The following CRYL1 variants were observed in gnomAD, a reference collection of about 807,000 sequenced individuals.
CRYL1 encodes the protein lambda-crystallin homolog.
In CRYL1, 29 loss-of-function variants were observed where a neutral mutation model predicts 36.6. That is an observed-to-expected ratio of 0.79 (90% CI 0.59 to 1.08). The LOEUF is 1.08. CRYL1 is among the 50% of genes least tolerant of loss of function. The pLI, the probability that CRYL1 is intolerant of heterozygous loss-of-function variation, is 0.00. For synonymous variants in CRYL1, 152 were observed against 151.5 expected (o/e 1.00, Z -0.02); for missense variants, 411 against 407.9 (o/e 1.01, Z -0.06).
intron 2 of CRYL1, among the ~76,000 whole-genome samples, chr13:20,499,889 A>G (rs1183495395): frequency 6.6e-6 from 1 of 152,220 alleles, no homozygotes; most frequent in Admixed American, 6.5e-5. Flanking sequence ...TTGTCCTAAG[A>G]CTTTTGTCAT....
In CRYL1 at chr13:20,512,474, G is replaced by A. The variant is rs753288504; in HGVS notation, c.118C>T (p.Gln40Ter). ...TTTTCCAGGGCGTTCCTTATCTGCT[G>A]TTGCTCAATGTCATAGAGTTTCACC... is the stretch of plus-strand genomic sequence containing the variant. ...FQVKLYDIEQ[Q>*]QIRNALENIR... Residue 40 changes from glutamine to a stop codon, truncating the protein, a stop_gained, in exon 2 of 8, where the codon CAG becomes TAG. Transcript: ENST00000298248. LOFTEE classifies it high-confidence loss of function. 5.6e-6 allele frequency: 9 copies of A among 1,613,962 alleles called. No homozygotes were observed. The East Asian group carries it at 2.0e-4, about 36-fold the overall frequency.
intron 3 of CRYL1, among the ~76,000 whole-genome samples, chr13:20,479,851 T>C (rs138563843): frequency 2.4e-3 from 358 of 152,262 alleles, no homozygotes; most frequent in South Asian, 4.1e-3. Flanking sequence ...GGACAGAGCA[T>C]TGAGTATGTC....
At chr13:20,477,227 C>A (rs943667255) in intron 3 of CRYL1, among the ~76,000 whole-genome samples, 1 of 152,042 alleles carries the variant, frequency 6.6e-6, no homozygotes, top group African/African-American at 2.4e-5. Flanking sequence ...ACTCGGGAGA[C>A]TGAGGTGGGA....
intron 5 of CRYL1, chr13:20,427,108 T>C (rs2031950125): frequency 1.0e-6 from 1 of 985,396 alleles, no homozygotes. Flanking sequence ...GCCAAAAGTC[T>C]ATTGTCACAA....
chr13:20,484,498 C>G (rs1481657966), intron 3 of CRYL1, among the ~76,000 whole-genome samples: 1 of 152,032 alleles, frequency 6.6e-6, no homozygotes, highest in Non-Finnish European at 1.5e-5. Flanking sequence ...ATAGTGAAAC[C>G]CTGTTTCTAC....
intron 2 of CRYL1, among the ~76,000 whole-genome samples, chr13:20,496,930 T>C (rs753555358): frequency 1.3e-5 from 2 of 149,578 alleles, no homozygotes; most frequent in Non-Finnish European, 1.5e-5. Flanking sequence ...TTTTGGAAAA[T>C]TGGAAATCAT....
At chr13:20,404,432 A>G (rs2031311177) in intron 7 of CRYL1, among the ~76,000 whole-genome samples, 190 bp from the exon 8 acceptor site, 1 of 152,172 alleles carries the variant, frequency 6.6e-6, no homozygotes, top group South Asian at 2.1e-4. Context: ...ACAATGAGCT[A>G]CCAGTTCACT....
intron 3 of CRYL1, among the ~76,000 whole-genome samples, chr13:20,468,444 T>C (rs1019780218): frequency 2.6e-5 from 4 of 152,120 alleles, no homozygotes; most frequent in South Asian, 2.1e-4. Flanking sequence ...TACTTTTTTG[T>C]TGAAGTCGAA....
chr13:20,439,517 A>AAAAAAAAAAAAG, intron 4 of CRYL1, 76 bp downstream of exon 4: 5 of 468,082 alleles, frequency 1.1e-5, no homozygotes, highest in Middle Eastern at 5.0e-4. Context: ...TCCCCCGCAA[A>AAAAAAAAAAAAG]AAAAAAAAAA....
intron 3 of CRYL1, among the ~76,000 whole-genome samples, chr13:20,485,148 G>A (rs139504301): frequency 0.014 from 2,205 of 152,170 alleles, 58 homozygotes; most frequent in African/African-American, 0.051. Flanking sequence ...CTCTCAAGTA[G>A]CTGGAATTAC....
chr13:20,463,579 C>T (rs931670503), intron 3 of CRYL1, among the ~76,000 whole-genome samples: 1 of 152,186 alleles, frequency 6.6e-6, no homozygotes, highest in Non-Finnish European at 1.5e-5. Flanking sequence ...ATTGGAGAGA[C>T]TTCTCAAAGG....
chr13:20,411,107 T>A (rs544065964), intron 6 of CRYL1, among the ~76,000 whole-genome samples: 1 of 152,326 alleles, frequency 6.6e-6, no homozygotes, highest in African/African-American at 2.4e-5. Flanking sequence ...GCTGGCTTTA[T>A]GAAAACAGTA....
chr13:20,491,917 A>T (rs1228013897), intron 2 of CRYL1, among the ~76,000 whole-genome samples: 1 of 152,252 alleles, frequency 6.6e-6, no homozygotes, highest in East Asian at 1.9e-4. Context: ...TTAGCAACAG[A>T]TTAGAAATTT....
chr13:20,439,491 A>C, intron 4 of CRYL1, 102 bp downstream of exon 4: 2 of 973,628 alleles, frequency 2.1e-6, no homozygotes, highest in Non-Finnish European at 1.5e-6. Context: ...GATTACTCAC[A>C]AGTTATTGAC....
chr13:20,480,001 C>T (rs150706125), intron 3 of CRYL1, among the ~76,000 whole-genome samples: 1 of 152,340 alleles, frequency 6.6e-6, no homozygotes, highest in Non-Finnish European at 1.5e-5. Context: ...CCTCCCCATC[C>T]ACTCCCTAAC....
rs2031292494 is a variant in CRYL1, at chr13:20,403,915, G to A, written c.*214C>T. The A allele has an allele frequency of 7.6e-6, 3 of 396,230 alleles. No homozygotes were observed. The highest frequency in any genetic ancestry group is 1.3e-5 in the Non-Finnish European group (3 of 222,998). 24.5% of individuals were successfully genotyped at this position (396,230 alleles called of 1,614,324 possible). ...GGTGGCAGGAAATCGACAGCCCCGAGAACGCAAGTGCTGCTGTGCCGCCAG... is the reference window on the plus strand; with the variant it reads ...GGTGGCAGGAAATCGACAGCCCCGAAAACGCAAGTGCTGCTGTGCCGCCAG... On this transcript the variant is annotated 3_prime_UTR_variant, in exon 8 of 8. Coordinates refer to ENST00000298248, the MANE Select transcript of CRYL1 (RefSeq NM_015974.3).
intron 3 of CRYL1, among the ~76,000 whole-genome samples, chr13:20,464,414 C>T (rs2032891820): frequency 6.6e-6 from 1 of 152,016 alleles, no homozygotes; most frequent in Non-Finnish European, 1.5e-5. Context: ...AAATACAATA[C>T]AATAAAATAA....
intron 3 of CRYL1, among the ~76,000 whole-genome samples, chr13:20,440,413 G>T (rs536463197): frequency 2.8e-4 from 43 of 152,312 alleles, no homozygotes; most frequent in African/African-American, 9.9e-4. Flanking sequence ...ATGAGAAAAG[G>T]CTGCTGGAAA....
intron 2 of CRYL1, among the ~76,000 whole-genome samples, chr13:20,500,228 T>G (rs1482420068): frequency 1.3e-5 from 2 of 152,238 alleles, no homozygotes; most frequent in Non-Finnish European, 2.9e-5. Context: ...GAAGAATTTT[T>G]TTCTTTTGAG....
Sources: allele counts gnomAD v4.1 joint callset (sites outside exome capture counted in the v4.1 genomes callset), GRCh38; gene constraint gnomAD v4.1.1; transcripts MANE v1.5; gene names NCBI Gene and HGNC (gene_info 2026-07-23, HGNC 2026-07-21).